FLT1: variants seen among roughly 807,000 people sequenced by gnomAD.
The protein encoded by FLT1 is fms related receptor tyrosine kinase 1, also known as vascular endothelial growth factor receptor 1.
Under a neutral mutation model 156.3 loss-of-function variants are expected in FLT1, and 49 were observed. The observed-to-expected ratio is 0.31, with a 90% CI of 0.25 to 0.40. The LOEUF is 0.40. Ranked by LOEUF, FLT1 falls within the 10% of genes least tolerant of loss-of-function variation. The probability of loss-of-function intolerance (pLI) is 1.00; values close to 1 mark genes in which losing one functional copy is unlikely to be tolerated. For synonymous variants in FLT1, 594 were observed against 583.8 expected (o/e 1.02, Z -0.25); for missense variants, 1,322 against 1,637.2 (o/e 0.81, Z 3.32).
chr13:28,337,305 C>T (rs951015384), intron 17 of FLT1, among the ~76,000 whole-genome samples: 4 of 152,148 alleles, frequency 2.6e-5, no homozygotes, highest in African/African-American at 9.7e-5. Flanking sequence ...CAAGTAGATA[C>T]AGCTGAAACC....
chr13:28,311,072 C>T (rs1870981951), intron 27 of FLT1, among the ~76,000 whole-genome samples: 1 of 152,206 alleles, frequency 6.6e-6, no homozygotes, highest in Non-Finnish European at 1.5e-5. Flanking sequence ...ATCCTCCAAC[C>T]TCAGCCTCCT....
rs775633041 is a variant in FLT1, at chr13:28,397,014, T to C, written c.1606A>G (p.Ile536Val). The change falls in exon 12 of 30, where the codon ATA (isoleucine) becomes GTA (valine). Residue 536 changes from isoleucine (I) to valine (V), a missense_variant. Ile to Val is a conservative substitution (Grantham distance 29). Around this residue, in one of 3 missense-constraint regions of FLT1, gnomAD observed 991 missense variants for 1,254.8 expected, o/e 0.79. Transcript: ENST00000282397. ...ACAGTCCCAACTTTATTGGAAGCTA[T>C]GCAAATGTAGATTCCAGAAATTCTA... ...DSRISGIYIC[I>V]ASNKVGTVGR... The C allele has an allele frequency of 5.0e-6, 8 of 1,613,812 alleles. No individual in the cohort carries two copies. The Admixed American group carries it at 5.0e-5, about 10-fold the overall frequency.
intron 10 of FLT1, among the ~76,000 whole-genome samples, chr13:28,412,348 T>C (rs368976896): frequency 0.14 from 1,831 of 13,240 alleles, 219 homozygotes; most frequent in South Asian, 0.28. Context: ...CTTTCTTTCT[T>C]TCTCTTTCTT....
Position 28,376,055 on chromosome 13 carries a change from C to T in FLT1, c.2116+8830G>A, listed in dbSNP as rs61763257. Among the ~76,000 whole-genome samples the T allele has an allele frequency of 6.0e-3, 910 of 152,278 alleles. 3 individuals are homozygous for T. The highest frequency in any genetic ancestry group is 0.02 in the African/African-American group (849 of 41,546). The stretch of plus-strand genomic sequence containing the variant: ...TCCCTGGGTATTAACAGCCTCATTC[C>T]TCTCTCTCTTCTAAGGTTCCTTAAG... On this transcript the variant is annotated intron_variant, in intron 14 of 29. Coordinates refer to ENST00000282397, the MANE Select transcript of FLT1 (RefSeq NM_002019.4).
At chr13:28,417,244 A>C (rs1195241462) in intron 10 of FLT1, among the ~76,000 whole-genome samples, 1 of 152,220 alleles carries the variant, frequency 6.6e-6, no homozygotes, top group African/African-American at 2.4e-5. Flanking sequence ...TTTTTTCTCA[A>C]CCAAATCTGA....
At chr13:28,395,595 T>A (rs914243885) in intron 12 of FLT1, among the ~76,000 whole-genome samples, 26 of 151,646 alleles carry the variant, frequency 1.7e-4, no homozygotes, top group Non-Finnish European at 2.4e-4. Context: ...ATTTTACTTT[T>A]AAAAAAACGT....
intron 14 of FLT1, among the ~76,000 whole-genome samples, chr13:28,364,994 T>C (rs997085900): frequency 6.6e-6 from 1 of 152,210 alleles, no homozygotes; most frequent in African/African-American, 2.4e-5. Flanking sequence ...GGAATGTTTA[T>C]TGGAATTCCA....
In FLT1 at chr13:28,317,717, CAG is replaced by C. The variant is rs897939494; in HGVS notation, c.3287-122_3287-121del. 6.9e-6 allele frequency: 5 copies of C among 722,932 alleles called. No homozygotes were observed. The African/African-American group carries it at 8.7e-5, about 13-fold the overall frequency. The allele number at this position is 722,932 out of a possible 1,614,324, so 44.8% of individuals were successfully genotyped here. On this transcript the variant is annotated intron_variant, in intron 24 of 29. Coordinates refer to ENST00000282397, the MANE Select transcript of FLT1 (RefSeq NM_002019.4). ...AAGCTACGTTTTAGTAATAAATTCC[CAG>C]GGATTACAACAGATCTCAACATACC...
chr13:28,433,524 A>T (rs1593788011), intron 6 of FLT1, among the ~76,000 whole-genome samples: 1 of 152,246 alleles, frequency 6.6e-6, no homozygotes. Context: ...AATCCTACAG[A>T]GTAGTTTCCA....
At chr13:28,492,261 T>C (rs1490253141) in intron 1 of FLT1, among the ~76,000 whole-genome samples, 1 of 152,178 alleles carries the variant, frequency 6.6e-6, no homozygotes, top group African/African-American at 2.4e-5. Flanking sequence ...TCCACTTAGT[T>C]ATAGTAAATT....
intron 1 of FLT1, among the ~76,000 whole-genome samples, chr13:28,473,913 T>G (rs1880396093): frequency 6.6e-6 from 1 of 152,088 alleles, no homozygotes. Context: ...TGGCAGATCC[T>G]TACAATGTGG....
At chr13:28,430,893 C>A (rs972462387) in intron 7 of FLT1, among the ~76,000 whole-genome samples, 1 of 152,032 alleles carries the variant, frequency 6.6e-6, no homozygotes, top group Middle Eastern at 3.4e-3. Flanking sequence ...AGGTTCTAAC[C>A]GAATTATTAG....
chr13:28,317,716 C>G, intron 24 of FLT1, 119 bp from the exon 25 acceptor site: 1 of 724,864 alleles, frequency 1.4e-6, no homozygotes, highest in Non-Finnish European at 2.5e-6. Flanking sequence ...TAATAAATTC[C>G]CAGGGATTAC....
intron 15 of FLT1, among the ~76,000 whole-genome samples, chr13:28,350,228 G>A (rs575497417): frequency 6.6e-6 from 1 of 152,340 alleles, no homozygotes; most frequent in Non-Finnish European, 1.5e-5. Flanking sequence ...GTGCGTGAAA[G>A]GCCAGCATCA....
intron 17 of FLT1, among the ~76,000 whole-genome samples, chr13:28,337,212 C>G (rs2138849209): frequency 6.6e-6 from 1 of 151,380 alleles, no homozygotes; most frequent in African/African-American, 2.4e-5. Context: ...GTAGCAACAC[C>G]TTTGACCCAA....
At chr13:28,371,123 G>A (rs976522087) in intron 14 of FLT1, among the ~76,000 whole-genome samples, 1 of 152,106 alleles carries the variant, frequency 6.6e-6, no homozygotes, top group African/African-American at 2.4e-5. Context: ...GTCTTAAAAT[G>A]ACATATGGTG....
intron 1 of FLT1, among the ~76,000 whole-genome samples, chr13:28,478,520 G>A (rs1005721065): frequency 2.6e-5 from 4 of 152,202 alleles, no homozygotes; most frequent in Admixed American, 6.5e-5. Context: ...ATTCCGTATA[G>A]GAGCTTGCCA....
intron 3 of FLT1, among the ~76,000 whole-genome samples, chr13:28,443,941 T>A (rs1161781308): frequency 6.6e-6 from 1 of 152,084 alleles, no homozygotes; most frequent in Non-Finnish European, 1.5e-5. Flanking sequence ...AAATAAGAAA[T>A]TATTAGTGAG....
chr13:28,427,400 T>G, intron 9 of FLT1, 82 bp from the exon 10 acceptor site: 4 of 1,254,892 alleles, frequency 3.2e-6, no homozygotes, highest in Non-Finnish European at 3.5e-6. Flanking sequence ...AGGACCACAT[T>G]CTCACTGGCT....
Sources: allele counts gnomAD v4.1 joint callset (sites outside exome capture counted in the v4.1 genomes callset), GRCh38; gene constraint gnomAD v4.1.1; regional missense constraint gnomAD v4.1.1; transcripts MANE v1.5; gene names NCBI Gene and HGNC (gene_info 2026-07-23, HGNC 2026-07-21).